RBFOX1: variants seen among roughly 807,000 people sequenced by gnomAD.
RBFOX1 encodes RNA binding fox-1 homolog 1.
In RBFOX1, 8 loss-of-function variants were observed where a neutral mutation model predicts 57.7. That is an observed-to-expected ratio of 0.14 (90% CI 0.08 to 0.25). The LOEUF is 0.25. RBFOX1 is among the 10% of genes least tolerant of loss of function. The pLI is 1.00. For synonymous variants in RBFOX1, 326 were observed against 222.4 expected (o/e 1.47, Z -4.15); for missense variants, 611 against 548.5 (o/e 1.11, Z -1.14).
intron 3 of RBFOX1, among the ~76,000 whole-genome samples, chr16:6,660,569 C>A (rs562963583): frequency 6.6e-6 from 1 of 152,236 alleles, no homozygotes; most frequent in East Asian, 1.9e-4. Flanking sequence ...GGGTTTCAAT[C>A]CCAGCCCTCC....
At chr16:6,059,410 C>T (rs944043400) in intron 1 of RBFOX1, among the ~76,000 whole-genome samples, 5 of 152,060 alleles carry the variant, frequency 3.3e-5, no homozygotes, top group African/African-American at 1.2e-4. Flanking sequence ...AATATTATTG[C>T]ACGCAATATA....
chr16:5,990,455 C>G (rs1350460605), intron 4 of RBFOX1, among the ~76,000 whole-genome samples: 1 of 152,242 alleles, frequency 6.6e-6, no homozygotes, highest in Non-Finnish European at 1.5e-5. Context: ...TCCCCAGCCT[C>G]TATACTTAAT....
At chr16:6,866,416 C>T (rs1038075993) in intron 3 of RBFOX1, among the ~76,000 whole-genome samples, 3 of 151,794 alleles carry the variant, frequency 2.0e-5, no homozygotes, top group Non-Finnish European at 4.4e-5. Flanking sequence ...CCATCATCTC[C>T]ATGACTTCTA....
intron 3 of RBFOX1, among the ~76,000 whole-genome samples, chr16:6,681,824 G>A (rs1333167272): frequency 6.6e-6 from 1 of 152,052 alleles, no homozygotes; most frequent in Non-Finnish European, 1.5e-5. Context: ...CTTTTCAGCC[G>A]GGATACTCTA....
At chr16:5,855,715 G>T (rs2057007629) in intron 3 of RBFOX1, among the ~76,000 whole-genome samples, 1 of 151,984 alleles carries the variant, frequency 6.6e-6, no homozygotes, top group African/African-American at 2.4e-5. Flanking sequence ...GGGGATTTTT[G>T]TAGCTCTTTA....
At chr16:6,348,603 G>A (rs932087351) in intron 2 of RBFOX1, among the ~76,000 whole-genome samples, 2 of 152,128 alleles carry the variant, frequency 1.3e-5, no homozygotes, top group Non-Finnish European at 2.9e-5. Flanking sequence ...CTGCATCTGG[G>A]GAGGCCTCAG....
chr16:6,484,233 T>C (rs142256751), intron 2 of RBFOX1, among the ~76,000 whole-genome samples: 34 of 152,288 alleles, frequency 2.2e-4, no homozygotes, highest in Non-Finnish European at 4.6e-4. Context: ...GTTTATGAAA[T>C]GAATGGCCAG....
At chr16:5,833,725 C>T (rs1177860166) in intron 3 of RBFOX1, among the ~76,000 whole-genome samples, 2 of 152,100 alleles carry the variant, frequency 1.3e-5, no homozygotes, top group East Asian at 3.9e-4. Flanking sequence ...ACATCTCTCT[C>T]TTTTGAGAGA....
At chr16:6,975,653 G>A (rs1294003083) in intron 3 of RBFOX1, among the ~76,000 whole-genome samples, 1 of 152,158 alleles carries the variant, frequency 6.6e-6, no homozygotes, top group East Asian at 1.9e-4. Context: ...TGAGCCACAT[G>A]ATCAGAATTT....
chr16:7,026,970 C>A (rs371221943), intron 3 of RBFOX1, among the ~76,000 whole-genome samples: 1 of 152,148 alleles, frequency 6.6e-6, no homozygotes, highest in Admixed American at 6.5e-5. Context: ...TTTGCCCTCT[C>A]TGAAGCATAC....
intron 4 of RBFOX1, among the ~76,000 whole-genome samples, chr16:7,070,430 C>G (rs1426551724): frequency 6.6e-6 from 1 of 152,130 alleles, no homozygotes; most frequent in Non-Finnish European, 1.5e-5. Context: ...CTGATAACAA[C>G]TTAGAGATTT....
At chr16:5,615,454 A>G (rs140380991) in intron 3 of RBFOX1, among the ~76,000 whole-genome samples, 2 of 152,306 alleles carry the variant, frequency 1.3e-5, no homozygotes, top group African/African-American at 2.4e-5. Context: ...GAAGACAGCT[A>G]CGTTTATCTG....
At chr16:7,504,706 A>C (rs1358347080) in intron 4 of RBFOX1, among the ~76,000 whole-genome samples, 1 of 102,772 alleles carries the variant, frequency 9.7e-6, no homozygotes, top group Non-Finnish European at 1.7e-5. Flanking sequence ...AGATGAAGTG[A>C]GATTATATAT....
chr16:7,212,325 C>G (rs139050963), intron 4 of RBFOX1, among the ~76,000 whole-genome samples: 2 of 152,120 alleles, frequency 1.3e-5, no homozygotes, highest in East Asian at 1.9e-4. Flanking sequence ...GGATGGTTCC[C>G]TACCCTCAGG....
At chr16:6,844,852 T>C (rs1481799868) in intron 3 of RBFOX1, among the ~76,000 whole-genome samples, 2 of 152,206 alleles carry the variant, frequency 1.3e-5, no homozygotes, top group South Asian at 2.1e-4. Flanking sequence ...GCACCTGTTT[T>C]TTAATATTTT....
At chr16:6,942,895 C>G (rs546457300) in intron 3 of RBFOX1, among the ~76,000 whole-genome samples, 2 of 152,306 alleles carry the variant, frequency 1.3e-5, no homozygotes, top group South Asian at 4.1e-4. Flanking sequence ...TTGCAGTATA[C>G]AAAGTACACA....
chr16:6,484,180 T>C (rs2095424521), intron 2 of RBFOX1, among the ~76,000 whole-genome samples: 1 of 152,192 alleles, frequency 6.6e-6, no homozygotes, highest in Non-Finnish European at 1.5e-5. Context: ...CCCAATAGGC[T>C]AGCCATGGTT....
chr16:6,022,632 G>A (rs1013592766), intron 1 of RBFOX1, among the ~76,000 whole-genome samples: 2 of 152,222 alleles, frequency 1.3e-5, no homozygotes, highest in Admixed American at 6.5e-5. Context: ...GCAGTGAGCC[G>A]ATATCACGCC....
chr16:6,814,694 G>A (rs540353327), intron 3 of RBFOX1, among the ~76,000 whole-genome samples: 5 of 152,142 alleles, frequency 3.3e-5, no homozygotes, highest in Non-Finnish European at 7.3e-5. Context: ...GCAGCATGTG[G>A]AAGGTCTTGG....
Sources: allele counts gnomAD v4.1 joint callset (sites outside exome capture counted in the v4.1 genomes callset), GRCh38; gene constraint gnomAD v4.1.1; transcripts MANE v1.5; gene names NCBI Gene and HGNC (gene_info 2026-07-23, HGNC 2026-07-21).